Variants in CRHBP observed in about 807,000 individuals in gnomAD.
CRHBP encodes corticotropin-releasing hormone-binding protein.
A neutral mutation model predicts 34.9 loss-of-function variants in CRHBP; 19 were observed. That is an observed-to-expected ratio of 0.55 (90% CI 0.38 to 0.80). The LOEUF (loss-of-function observed/expected upper bound fraction) is 0.80. CRHBP is among the 30% of genes least tolerant of loss of function. CRHBP has a pLI of 0.00. For synonymous variants in CRHBP, 154 were observed against 153.4 expected (o/e 1.00, Z -0.03); for missense variants, 328 against 409.2 (o/e 0.80, Z 1.71).
In CRHBP at chr5:76,968,788, TA is replaced by T; in HGVS notation, c.875del (p.Asn292IlefsTer3). ...VVRMVSSGKHVNRVTFEYRQL... is the reference protein window; with the variant it reads ...VVRMVSSGKHXNRVTFEYRQL... ...CGCATGGTCTCCAGTGGAAAACACG[TA>T]AATCGTGTGACTTTTGAGTATCGTC... is the stretch of plus-strand genomic sequence containing the variant. On this transcript the variant is annotated frameshift_variant, in exon 7 of 7. Transcript: ENST00000274368. LOFTEE classifies it high-confidence loss of function. 6.2e-7 allele frequency: 1 copy of T among 1,614,182 alleles called. No homozygotes were observed. Among genetic ancestry groups the T allele is most frequent in the Non-Finnish European group, 8.5e-7 (1 of 1,180,012 alleles).
intron 4 of CRHBP, among the ~76,000 whole-genome samples, chr5:76,956,121 G>A (rs1221328232): frequency 3.9e-5 from 6 of 152,158 alleles, no homozygotes; most frequent in Non-Finnish European, 7.3e-5. Flanking sequence ...GTCTTGCTCT[G>A]AGCTTCTCAG....
chr5:76,958,635 G>A (rs879818760), intron 4 of CRHBP, 106 bp from the exon 5 acceptor site: 101 of 1,269,648 alleles, frequency 8.0e-5, no homozygotes, highest in Non-Finnish European at 1.0e-4. Flanking sequence ...TGGGCAGAAG[G>A]CCCTAGATCA....
chr5:76,954,264 C>T (rs1258095769), intron 3 of CRHBP, 78 bp downstream of exon 3: 1 of 1,513,734 alleles, frequency 6.6e-7, no homozygotes, highest in East Asian at 2.3e-5. Flanking sequence ...CTGCACCCAG[C>T]GTGGGGCTGC....
At chr5:76,979,358 A>C (rs776024030) in intron 3 of CRHBP, among the ~76,000 whole-genome samples, 1 of 150,686 alleles carries the variant, frequency 6.6e-6, no homozygotes, top group Non-Finnish European at 1.5e-5. Flanking sequence ...GCCAACAATA[A>C]AGTTTTTTTC....
At chr5:76,971,346 G>C (rs1745941753), downstream of CRHBP, among the ~76,000 whole-genome samples, 4 of 152,174 alleles carry the variant, frequency 2.6e-5, no homozygotes, top group African/African-American at 9.7e-5. Context: ...TAAATGGTTA[G>C]ATATATTTAA....
downstream of CRHBP, among the ~76,000 whole-genome samples, chr5:76,972,957 A>AC (rs1332541809): frequency 6.6e-6 from 1 of 152,070 alleles, no homozygotes; most frequent in East Asian, 1.9e-4. Flanking sequence ...CTCTCTTCCC[A>AC]TACCTACTAT....
At chr5:76,953,348 G>T in intron 1 of CRHBP, 133 bp downstream of exon 1, 1 of 916,360 alleles carries the variant, frequency 1.1e-6, no homozygotes. Context: ...TCTTGCCCCT[G>T]GTTTCCCCTA....
At chr5:76,955,895 G>A (rs753162880) in intron 4 of CRHBP, 32 bp downstream of exon 4, 60 of 1,595,346 alleles carry the variant, frequency 3.8e-5, no homozygotes, top group Admixed American at 8.4e-5. Flanking sequence ...GCAGAACTTC[G>A]GATATAGACC....
downstream of CRHBP, among the ~76,000 whole-genome samples, chr5:76,972,787 G>A (rs1745965590): frequency 6.6e-6 from 1 of 152,192 alleles, no homozygotes; most frequent in Non-Finnish European, 1.5e-5. Flanking sequence ...CCCTGGTACT[G>A]TTGCTTCATT....
At chr5:76,971,900 GA>G (rs1745953608), downstream of CRHBP, among the ~76,000 whole-genome samples, 1 of 152,258 alleles carries the variant, frequency 6.6e-6, no homozygotes, top group Non-Finnish European at 1.5e-5. Context: ...AGGTCTTTCT[GA>G]ATACCAATTA....
chr5:76,976,099 A>T (rs1177656167), intron 2 of CRHBP, among the ~76,000 whole-genome samples: 1 of 151,506 alleles, frequency 6.6e-6, no homozygotes, highest in Non-Finnish European at 1.5e-5. Flanking sequence ...CTTATATATA[A>T]TAAGATGCTG....
At position 76,969,004 on chromosome 5, in the gene CRHBP, A is replaced by G. The variant is rs532365616; in HGVS notation, c.*119A>G. ...ATACCAGTCAGTATTCCCAGCCTTG[A>G]GCGCACGCGCGCACACACACACACA... On this transcript the variant is annotated 3_prime_UTR_variant, in exon 7 of 7. Transcript: ENST00000274368. 1.7e-6 allele frequency: 2 copies of G among 1,171,898 alleles called. No individual in the cohort carries two copies. The highest frequency in any genetic ancestry group is 4.8e-5 in the East Asian group (2 of 41,494). 72.6% of individuals were successfully genotyped at this position (1,171,898 alleles called of 1,614,324 possible). A position where few individuals can be genotyped will look rare whatever the true frequency, so the allele number is the denominator to read the frequency against.
At chr5:76,959,887 C>G (rs1187526094) in intron 5 of CRHBP, among the ~76,000 whole-genome samples, 1 of 152,156 alleles carries the variant, frequency 6.6e-6, no homozygotes, top group East Asian at 1.9e-4. Flanking sequence ...GAGATCTGCA[C>G]TTTAGTTATT....
At chr5:76,970,984 TG>T (rs1745936286), downstream of CRHBP, among the ~76,000 whole-genome samples, 1 of 152,246 alleles carries the variant, frequency 6.6e-6, no homozygotes, top group Non-Finnish European at 1.5e-5. Context: ...GTCTTTTTCT[TG>T]GACTGTCTAC....
chr5:76,972,690 G>A (rs1296831479), downstream of CRHBP, among the ~76,000 whole-genome samples: 6 of 152,126 alleles, frequency 3.9e-5, no homozygotes, highest in Non-Finnish European at 8.8e-5. Context: ...CTTCGAGCCT[G>A]CCATCTATGG....
intron 2 of CRHBP, 43 bp downstream of exon 2, chr5:76,953,737 G>C: frequency 6.4e-7 from 1 of 1,554,464 alleles, no homozygotes; most frequent in Middle Eastern, 1.9e-4. Context: ...GGGACGCGGG[G>C]AAGGTGGGAC....
intron 2 of CRHBP, chr5:76,976,251 C>G (rs1746033917): frequency 6.6e-6 from 1 of 152,084 alleles, no homozygotes; most frequent in South Asian, 2.1e-4. Flanking sequence ...TTAAAGCTAC[C>G]TGGACAACTA....
intron 5 of CRHBP, among the ~76,000 whole-genome samples, chr5:76,961,795 C>A (rs994352886): frequency 1.3e-4 from 20 of 152,102 alleles, no homozygotes; most frequent in Admixed American, 8.5e-4. Flanking sequence ...ACTCTGTCGC[C>A]CAGGCTGGAG....
chr5:76,969,934 C>CTTTTTTTTTTTTTTTTTTTTTTTTTTT (rs201228247), downstream of CRHBP, among the ~76,000 whole-genome samples: 1 of 61,628 alleles, frequency 1.6e-5, no homozygotes, highest in Non-Finnish European at 2.9e-5. Flanking sequence ...AAAGAAAATT[C>CTTTTTTTTTTTTTTTTTTTTTTTTTTT]TTTTTTTTTT....
Sources: gnomAD v4.1 joint callset for allele counts (sites outside exome capture counted in the v4.1 genomes callset) on GRCh38, gnomAD v4.1.1 for gene constraint, MANE v1.5 for transcripts, NCBI Gene and HGNC (gene_info 2026-07-23, HGNC 2026-07-21) for gene names.